The following RBM47 variants were observed in gnomAD, a reference collection of about 807,000 sequenced individuals.
The protein encoded by RBM47 is RNA binding motif protein 47, also known as RNA-binding protein 47.
In RBM47, 21 loss-of-function variants were observed where a neutral mutation model predicts 47.1. That is an observed-to-expected ratio of 0.45 (90% CI 0.32 to 0.64). RBM47 has a LOEUF of 0.64. RBM47 is among the 30% of genes least tolerant of loss of function. The probability of loss-of-function intolerance (pLI) is 0.05; values close to 1 mark genes in which losing one functional copy is unlikely to be tolerated. For missense variants in RBM47, 708 were observed against 870.9 expected (o/e 0.81, Z 2.35); for synonymous variants, 375 against 361.7 (o/e 1.04, Z -0.42).
At chr4:40,528,445 A>G (rs998541472) in intron 2 of RBM47, among the ~76,000 whole-genome samples, 1 of 151,654 alleles carries the variant, frequency 6.6e-6, no homozygotes, top group Non-Finnish European at 1.5e-5. Flanking sequence ...TCTCTCACTG[A>G]GAAAACAAGG....
intron 2 of RBM47, among the ~76,000 whole-genome samples, chr4:40,514,915 G>C (rs1015563851): frequency 6.9e-6 from 1 of 145,980 alleles, no homozygotes; most frequent in Non-Finnish European, 1.5e-5. Flanking sequence ...GTCTTGGCTT[G>C]CTGAGCTGAA....
At chr4:40,504,030 T>A (rs560201409) in intron 2 of RBM47, among the ~76,000 whole-genome samples, 4 of 151,716 alleles carry the variant, frequency 2.6e-5, no homozygotes, top group Non-Finnish European at 4.4e-5. Flanking sequence ...GAAAAAAAAA[T>A]TTTTTTAAGG....
intron 2 of RBM47, among the ~76,000 whole-genome samples, chr4:40,506,479 T>C (rs570311205): frequency 6.6e-6 from 1 of 152,300 alleles, no homozygotes; most frequent in East Asian, 1.9e-4. Context: ...TAAACACCCA[T>C]GGTTGGAATC....
intron 2 of RBM47, among the ~76,000 whole-genome samples, chr4:40,508,481 C>T (rs1440205242): frequency 1.3e-5 from 2 of 152,162 alleles, no homozygotes; most frequent in African/African-American, 2.4e-5. Context: ...AAATGCTCTG[C>T]GTTGTGGTCT....
intron 2 of RBM47, among the ~76,000 whole-genome samples, chr4:40,494,813 T>C (rs1258662727): frequency 6.6e-6 from 1 of 152,102 alleles, no homozygotes; most frequent in East Asian, 1.9e-4. Flanking sequence ...TCAGGAATGG[T>C]AGAAAATAAA....
At chr4:40,551,442 CA>C (rs1295546318) in intron 1 of RBM47, among the ~76,000 whole-genome samples, 2 of 151,820 alleles carry the variant, frequency 1.3e-5, no homozygotes, top group African/African-American at 4.8e-5. Flanking sequence ...TCAATATTCC[CA>C]AGATATCTTT....
intron 2 of RBM47, among the ~76,000 whole-genome samples, chr4:40,480,343 A>G: frequency 6.6e-6 from 1 of 152,136 alleles, no homozygotes; most frequent in South Asian, 2.1e-4. Context: ...CAGCCAGCAA[A>G]TAAGTAGTGG....
chr4:40,530,548 T>C (rs1342641260), intron 2 of RBM47, among the ~76,000 whole-genome samples: 2 of 151,010 alleles, frequency 1.3e-5, no homozygotes, highest in African/African-American at 4.9e-5. Flanking sequence ...GATCCACCCG[T>C]CTCGGCCTCC....
chr4:40,574,392 A>G (rs1237144853), intron 1 of RBM47, among the ~76,000 whole-genome samples: 2 of 152,230 alleles, frequency 1.3e-5, no homozygotes, highest in East Asian at 3.8e-4. Flanking sequence ...GACAAACTGA[A>G]AAGTTAGAAG....
intron 4 of RBM47, among the ~76,000 whole-genome samples, chr4:40,437,090 A>AAAAAAAAAAAAAATATATATATAT (rs1256296949): frequency 4.0e-5 from 2 of 49,800 alleles, no homozygotes. Flanking sequence ...AAAAAAAAAA[A>AAAAAAAAAAAAAATATATATATAT]ATATATATAT....
chr4:40,528,777 A>G (rs1727028669), intron 2 of RBM47, among the ~76,000 whole-genome samples: 1 of 151,420 alleles, frequency 6.6e-6, no homozygotes, highest in Non-Finnish European at 1.5e-5. Flanking sequence ...TCAAAAAGAA[A>G]AAAACAAAAA....
intron 1 of RBM47, among the ~76,000 whole-genome samples, chr4:40,545,664 C>A (rs371528817): frequency 5.3e-5 from 1 of 18,738 alleles, no homozygotes; most frequent in Non-Finnish European, 1.1e-4. Context: ...GGCTCCTTCT[C>A]AAAAATAAAT....
At chr4:40,565,111 T>C (rs960952050) in intron 1 of RBM47, among the ~76,000 whole-genome samples, 1 of 152,250 alleles carries the variant, frequency 6.6e-6, no homozygotes, top group Non-Finnish European at 1.5e-5. Flanking sequence ...ACCTTCTTCA[T>C]TCTGTACTTT....
chr4:40,602,841 A>C (rs1312959088), intron 1 of RBM47, among the ~76,000 whole-genome samples: 2 of 152,020 alleles, frequency 1.3e-5, no homozygotes, highest in African/African-American at 4.8e-5. Context: ...ATTTTTTAAA[A>C]TATAAACTTT....
intron 3 of RBM47, among the ~76,000 whole-genome samples, chr4:40,450,906 A>G (rs1715325507): frequency 6.6e-6 from 1 of 152,148 alleles, no homozygotes; most frequent in Admixed American, 6.6e-5. Flanking sequence ...CTTTCTGTCG[A>G]GAATTACTGG....
At chr4:40,574,163 T>TA (rs1467878773) in intron 1 of RBM47, among the ~76,000 whole-genome samples, 1 of 152,232 alleles carries the variant, frequency 6.6e-6, no homozygotes, top group East Asian at 1.9e-4. Context: ...TGTGGGTTAT[T>TA]AGACTTCCGA....
At chr4:40,511,481 T>C (rs184806864) in intron 2 of RBM47, among the ~76,000 whole-genome samples, 5 of 152,356 alleles carry the variant, frequency 3.3e-5, no homozygotes, top group Admixed American at 3.3e-4. Context: ...GAAGCATTAT[T>C]ATCATATCAC....
intron 6 of RBM47, among the ~76,000 whole-genome samples, chr4:40,428,558 G>C (rs1199748405): frequency 6.6e-6 from 1 of 152,180 alleles, no homozygotes; most frequent in Non-Finnish European, 1.5e-5. Context: ...TGTGGACGTA[G>C]GTTTAATAAC....
At chr4:40,550,904 A>G (rs996599443) in intron 1 of RBM47, among the ~76,000 whole-genome samples, 4 of 151,972 alleles carry the variant, frequency 2.6e-5, no homozygotes, top group Non-Finnish European at 5.9e-5. Context: ...CTGTCAAGGA[A>G]TGCAAAAAAA....
Sources: gnomAD v4.1 joint callset for allele counts (sites outside exome capture counted in the v4.1 genomes callset) on GRCh38, gnomAD v4.1.1 for gene constraint, MANE v1.5 for transcripts, NCBI Gene and HGNC (gene_info 2026-07-23, HGNC 2026-07-21) for gene names.